The following OCA2 variants were observed in gnomAD, a reference collection of about 807,000 sequenced individuals.
OCA2 encodes OCA2 melanosomal transmembrane protein.
In OCA2, 77 loss-of-function variants were observed where a neutral mutation model predicts 100.2. The observed-to-expected ratio is 0.77, with a 90% CI of 0.64 to 0.93. The LOEUF (loss-of-function observed/expected upper bound fraction) is 0.93, where lower values mean the gene tolerates loss of function less well. OCA2 is among the 40% of genes least tolerant of loss of function. The pLI, the probability that OCA2 is intolerant of heterozygous loss-of-function variation, is 0.00. For missense variants in OCA2, 1,062 were observed against 1,089.1 expected, an observed-to-expected ratio of 0.98 and a Z score of 0.35; for synonymous variants, 432 against 439.2, an observed-to-expected ratio of 0.98 and a Z score of 0.21.
chr15:27,937,618 G>C (rs769785858), intron 18 of OCA2, among the ~76,000 whole-genome samples: 1 of 152,064 alleles, frequency 6.6e-6, no homozygotes, highest in East Asian at 1.9e-4. Flanking sequence ...ATGGCATCTC[G>C]TTGTGGTTAA....
intron 19 of OCA2, among the ~76,000 whole-genome samples, chr15:27,921,233 T>G (rs539485954): frequency 1.4e-4 from 21 of 151,700 alleles, no homozygotes; most frequent in African/African-American, 4.3e-4. Flanking sequence ...AATGCGCATA[T>G]AGGGGAAACA....
chr15:27,852,565 T>G (rs1437006927), intron 21 of OCA2, among the ~76,000 whole-genome samples: 1 of 151,986 alleles, frequency 6.6e-6, no homozygotes, highest in Non-Finnish European at 1.5e-5. Flanking sequence ...AAGACAAAAT[T>G]GACAAATGGG....
intron 3 of OCA2, among the ~76,000 whole-genome samples, chr15:28,030,305 C>T (rs2042875652): frequency 6.6e-6 from 1 of 151,968 alleles, no homozygotes; most frequent in South Asian, 2.1e-4. Context: ...ATAGATAGCA[C>T]AGGGGCTAGT....
intron 18 of OCA2, among the ~76,000 whole-genome samples, chr15:27,942,644 G>C (rs2039690643): frequency 6.6e-6 from 1 of 152,042 alleles, no homozygotes; most frequent in Admixed American, 6.6e-5. Context: ...ATATAATTTT[G>C]CAAGATAAAT....
Position 27,985,054 on chromosome 15 carries a change from C to T in OCA2, c.1364+10G>A. ...GGCCGCAACTCCCACGGCAGAGGTG[C>T]TTTGCGTACCTTATGGTCACAGGCG... On this transcript the variant is annotated intron_variant, in intron 13 of 23. Transcript: ENST00000354638. 1 of 1,613,800 alleles carries T rather than the reference C, an allele frequency of 6.2e-7. No homozygotes were observed. The highest frequency in any genetic ancestry group is 1.1e-5 in the South Asian group (1 of 91,050).
At chr15:27,888,480 G>A (rs762079315) in intron 19 of OCA2, among the ~76,000 whole-genome samples, 1 of 151,878 alleles carries the variant, frequency 6.6e-6, no homozygotes, top group African/African-American at 2.4e-5. Context: ...GAGATATATC[G>A]GATGCTGGAT....
At chr15:27,907,098 G>C (rs116274758) in intron 19 of OCA2, among the ~76,000 whole-genome samples, 1 of 152,008 alleles carries the variant, frequency 6.6e-6, no homozygotes, top group Non-Finnish European at 1.5e-5. Flanking sequence ...CCAACACTGC[G>C]ATCAAATTTC....
intron 19 of OCA2, among the ~76,000 whole-genome samples, chr15:27,894,295 T>C (rs1189145218): frequency 6.6e-6 from 1 of 152,224 alleles, no homozygotes. Flanking sequence ...GAGCCCCCAG[T>C]GACTTTGTCA....
At chr15:27,819,031 CA>C (rs2151260407) in intron 23 of OCA2, among the ~76,000 whole-genome samples, 1 of 152,294 alleles carries the variant, frequency 6.6e-6, no homozygotes, top group South Asian at 2.1e-4. Context: ...GACACTTTGC[CA>C]CTTACTAGCT....
At chr15:27,876,373 T>G (rs866866641) in intron 19 of OCA2, among the ~76,000 whole-genome samples, 2 of 152,074 alleles carry the variant, frequency 1.3e-5, no homozygotes, top group Admixed American at 6.5e-5. Flanking sequence ...CTTGTTTGGA[T>G]CTATGTGAGT....
intron 23 of OCA2, among the ~76,000 whole-genome samples, chr15:27,762,271 C>T (rs1300386556): frequency 6.6e-6 from 1 of 152,114 alleles, no homozygotes; most frequent in East Asian, 1.9e-4. Flanking sequence ...GGACTCAGCC[C>T]ACCTCCACTA....
At chr15:28,076,890 C>CT (rs2044447992) in intron 2 of OCA2, among the ~76,000 whole-genome samples, 1 of 149,230 alleles carries the variant, frequency 6.7e-6, no homozygotes, top group Admixed American at 6.6e-5. Context: ...TAATTTAAGT[C>CT]TGTCAATCTG....
intron 1 of OCA2, among the ~76,000 whole-genome samples, chr15:28,082,249 A>G (rs1278776040): frequency 6.6e-6 from 1 of 152,234 alleles, no homozygotes; most frequent in African/African-American, 2.4e-5. Context: ...ACCAATCAGC[A>G]GGACGTGGGC....
At chr15:27,811,048 A>G (rs1464751023) in intron 23 of OCA2, among the ~76,000 whole-genome samples, 1 of 78,918 alleles carries the variant, frequency 1.3e-5, no homozygotes, top group Non-Finnish European at 2.2e-5. Flanking sequence ...AGAAGTCATT[A>G]TATGAAAAAG....
chr15:27,864,732 G>A (rs2036257583), intron 21 of OCA2, among the ~76,000 whole-genome samples: 1 of 152,164 alleles, frequency 6.6e-6, no homozygotes, highest in Admixed American at 6.5e-5. Flanking sequence ...TTCAGGACAA[G>A]AGTAATAATC....
rs2043258494 is a variant in OCA2, at chr15:28,043,314, T to C, written c.228-11151A>G. 1.3e-5 allele frequency among the ~76,000 whole-genome samples: 2 copies of C among 152,108 alleles called. No homozygotes were observed. The highest frequency in any genetic ancestry group is 4.8e-5 in the African/African-American group (2 of 41,416). On this transcript the variant is annotated intron_variant, in intron 2 of 23. Coordinates refer to ENST00000354638, the MANE Select transcript of OCA2 (RefSeq NM_000275.3). The surrounding 1 kb of genome is among the most constrained non-coding windows in gnomAD (Gnocchi z 4.4). ...ACAGAGAGACGGAGAGGTGGTAGGG[T>C]AGTGCCTGAGCCCAGTGAGACACAA...
chr15:27,913,855 G>GAAA (rs1209752700), intron 19 of OCA2, among the ~76,000 whole-genome samples: 1 of 36,256 alleles, frequency 2.8e-5, no homozygotes, highest in Non-Finnish European at 4.6e-5. Flanking sequence ...AAGAAAGAAA[G>GAAA]AAAGAAAGAA....
At chr15:28,018,005 T>G (rs888944415) in intron 7 of OCA2, among the ~76,000 whole-genome samples, 13 of 152,210 alleles carry the variant, frequency 8.5e-5, no homozygotes, top group Middle Eastern at 6.8e-3. Flanking sequence ...AGGCACTGTC[T>G]TAGCAGATGT....
At chr15:28,033,299 C>T (rs980488864) in intron 2 of OCA2, among the ~76,000 whole-genome samples, 1 of 152,154 alleles carries the variant, frequency 6.6e-6, no homozygotes, top group Non-Finnish European at 1.5e-5. Flanking sequence ...GATCCCAGGC[C>T]AGGTAGAGAT....
Sources: allele counts gnomAD v4.1 joint callset (sites outside exome capture counted in the v4.1 genomes callset), GRCh38; gene constraint gnomAD v4.1.1; non-coding constraint Gnocchi (gnomAD v3.1); transcripts MANE v1.5; gene names NCBI Gene and HGNC (gene_info 2026-07-23, HGNC 2026-07-21).